CCDC93: variants seen among roughly 807,000 people sequenced by gnomAD.
CCDC93 encodes coiled-coil domain-containing protein 93.
In CCDC93, 61 loss-of-function variants were observed where a neutral mutation model predicts 108.2. The observed-to-expected ratio is 0.56, with a 90% CI of 0.46 to 0.70. The LOEUF is 0.70. Among genes scored for constraint, CCDC93 ranks in the 30% least tolerant of loss-of-function variants. The pLI, the probability that CCDC93 is intolerant of heterozygous loss-of-function variation, is 0.00. For missense variants in CCDC93, 685 were observed against 764.2 expected, an observed-to-expected ratio of 0.90 and a Z score of 1.22; for synonymous variants, 276 against 260.4, an observed-to-expected ratio of 1.06 and a Z score of -0.58.
At chr2:117,945,849 C>T (rs1439459073) in intron 16 of CCDC93, among the ~76,000 whole-genome samples, 4 of 152,146 alleles carry the variant, frequency 2.6e-5, no homozygotes, top group African/African-American at 9.7e-5. Context: ...ATCTCGCTAA[C>T]AAGATGTGCT....
chr2:118,010,241 C>T (rs1304523276), intron 1 of CCDC93, among the ~76,000 whole-genome samples: 2 of 152,302 alleles, frequency 1.3e-5, no homozygotes, highest in East Asian at 3.9e-4. Flanking sequence ...AGGCATGAGC[C>T]ATCGCGCCTG....
chr2:117,973,273 G>A (rs533659011), intron 11 of CCDC93, among the ~76,000 whole-genome samples: 2 of 152,092 alleles, frequency 1.3e-5, no homozygotes, highest in African/African-American at 4.8e-5. Flanking sequence ...CAGGGCTGGG[G>A]CAGGAGGGAT....
intron 1 of CCDC93, among the ~76,000 whole-genome samples, chr2:118,013,376 A>G (rs1486132822): frequency 6.6e-6 from 1 of 152,202 alleles, no homozygotes; most frequent in Non-Finnish European, 1.5e-5. Flanking sequence ...ACCCAGCGGG[A>G]CACCTCCCTG....
At chr2:117,940,812 C>T (rs1678677129) in intron 19 of CCDC93, among the ~76,000 whole-genome samples, 1 of 152,148 alleles carries the variant, frequency 6.6e-6, no homozygotes, top group Non-Finnish European at 1.5e-5. Context: ...TTAAGGACCA[C>T]ATCAGCAACA....
chr2:117,958,458 T>G lies in CCDC93; in HGVS notation c.912A>C (p.Glu304Asp), dbSNP rs1157855167. The G allele has an allele frequency of 6.2e-7, 1 of 1,611,102 alleles. No individual in the cohort carries two copies. The highest frequency in any genetic ancestry group is 2.2e-5 in the East Asian group (1 of 44,868). ...AEKQSELSAE[E>D]SPEKLGTSQL... is the part of the protein sequence containing the mutation. Reference sequence around the variant, plus strand: ...GGGAGGTTCCTAATTTTTCTGGACTTTCTTCAGCTGATAGCTCAGACTGCT... The same window carrying G: ...GGGAGGTTCCTAATTTTTCTGGACTGTCTTCAGCTGATAGCTCAGACTGCT... Residue 304 changes from glutamate (E) to aspartate (D), a missense_variant, in exon 12 of 24, where the codon GAA becomes GAC. Transcript: ENST00000376300.
chr2:117,999,101 A>G (rs1188879698), intron 4 of CCDC93: 1 of 152,216 alleles, frequency 6.6e-6, no homozygotes, highest in Non-Finnish European at 1.5e-5. Context: ...TCATCCTATC[A>G]GGTAGGTGCT....
At chr2:117,960,419 A>G (rs1260946128) in intron 11 of CCDC93, among the ~76,000 whole-genome samples, 1 of 152,194 alleles carries the variant, frequency 6.6e-6, no homozygotes, top group Non-Finnish European at 1.5e-5. Context: ...GAGTAAACTC[A>G]TTCAATTCTG....
chr2:117,966,854 T>C (rs1388359774), intron 11 of CCDC93, among the ~76,000 whole-genome samples: 1 of 152,228 alleles, frequency 6.6e-6, no homozygotes. Flanking sequence ...CAGAATTTCT[T>C]AATTGCTGGA....
intron 23 of CCDC93, among the ~76,000 whole-genome samples, chr2:117,928,908 C>A (rs1231758626): frequency 2.0e-5 from 3 of 152,204 alleles, no homozygotes; most frequent in African/African-American, 7.2e-5. Context: ...GGCACATATA[C>A]ACCACGGAAT....
chr2:118,009,142 G>T (rs546079691), intron 1 of CCDC93, among the ~76,000 whole-genome samples: 23 of 152,012 alleles, frequency 1.5e-4, no homozygotes, highest in African/African-American at 5.3e-4. Context: ...AGGCTGAGGC[G>T]GGCGGATCAC....
At chr2:118,007,906 T>C (rs934264637) in intron 2 of CCDC93, among the ~76,000 whole-genome samples, 1 of 152,236 alleles carries the variant, frequency 6.6e-6, no homozygotes, top group Non-Finnish European at 1.5e-5. Flanking sequence ...CAGCCTGCCC[T>C]GTGTGATTTG....
intron 11 of CCDC93, among the ~76,000 whole-genome samples, chr2:117,966,024 A>C (rs2104768294): frequency 6.6e-6 from 1 of 152,370 alleles, no homozygotes; most frequent in East Asian, 1.9e-4. Context: ...GCAACTACTA[A>C]GAGGACAAAC....
intron 11 of CCDC93, among the ~76,000 whole-genome samples, chr2:117,971,094 G>T (rs947291159): frequency 2.6e-5 from 4 of 152,226 alleles, no homozygotes; most frequent in Non-Finnish European, 5.9e-5. Context: ...CAGCCACAGT[G>T]GCTGAGACCT....
intron 4 of CCDC93, chr2:117,998,157 G>C (rs1286569758): frequency 6.6e-6 from 1 of 152,058 alleles, no homozygotes; most frequent in Admixed American, 6.5e-5. Context: ...AACTACCAGG[G>C]GCCAGAAATT....
chr2:117,960,260 A>G (rs1573490582), intron 11 of CCDC93, among the ~76,000 whole-genome samples: 1 of 152,278 alleles, frequency 6.6e-6, no homozygotes, highest in South Asian at 2.1e-4. Context: ...CCCATACAGT[A>G]TGTCTCTATG....
At chr2:117,946,708 TAC>T in intron 16 of CCDC93, 101 bp downstream of exon 16, 1 of 754,436 alleles carries the variant, frequency 1.3e-6, no homozygotes, top group South Asian at 1.6e-5. Flanking sequence ...AATGTCTATT[TAC>T]AGGATAAGTT....
chr2:117,925,748 C>G (rs1377209684), intron 23 of CCDC93, among the ~76,000 whole-genome samples: 1 of 152,204 alleles, frequency 6.6e-6, no homozygotes, highest in Non-Finnish European at 1.5e-5. Flanking sequence ...GAATTGAACT[C>G]AGCTCTGCAC....
chr2:117,953,561 T>C (rs1259860087), intron 12 of CCDC93, among the ~76,000 whole-genome samples: 2 of 152,154 alleles, frequency 1.3e-5, no homozygotes, highest in South Asian at 2.1e-4. Context: ...TGAATGTTAG[T>C]GTCTGCCCCA....
intron 11 of CCDC93, among the ~76,000 whole-genome samples, chr2:117,961,395 G>A (rs981163460): frequency 7.2e-5 from 11 of 152,134 alleles, no homozygotes; most frequent in Middle Eastern, 6.8e-3. Flanking sequence ...ATTTACTGGC[G>A]CACAGTACTT....
Sources: gnomAD v4.1 joint callset for allele counts (sites outside exome capture counted in the v4.1 genomes callset) on GRCh38, gnomAD v4.1.1 for gene constraint, MANE v1.5 for transcripts, NCBI Gene and HGNC (gene_info 2026-07-23, HGNC 2026-07-21) for gene names.